Variants in PTPRN2 observed in about 807,000 individuals in gnomAD.
PTPRN2 encodes the protein receptor-type tyrosine-protein phosphatase N2.
PTPRN2 carries 74 observed loss-of-function variants against 118.8 expected under a neutral mutation model. That is an observed-to-expected ratio of 0.62 (90% CI 0.52 to 0.76). PTPRN2 has a LOEUF of 0.76. PTPRN2 is among the 30% of genes least tolerant of loss of function. The probability of loss-of-function intolerance (pLI) is 0.00; values close to 1 mark genes in which losing one functional copy is unlikely to be tolerated. For synonymous variants in PTPRN2, 641 were observed against 608.0 expected, an observed-to-expected ratio of 1.05 and a Z score of -0.80; for missense variants, 1,481 against 1,394.4, an observed-to-expected ratio of 1.06 and a Z score of -0.99.
In PTPRN2 at chr7:157,851,295, T is replaced by C. The variant is rs117099228; in HGVS notation, c.1788+47378A>G. Reference sequence around the variant, plus strand: ...TAATAACAAGAATATCAGCAGAGAATCTAAATTATCCCTTAACTTCTCAAA... The same window carrying C: ...TAATAACAAGAATATCAGCAGAGAACCTAAATTATCCCTTAACTTCTCAAA... On this transcript the variant is annotated intron_variant, in intron 12 of 22. Transcript: ENST00000389418. 3.7e-4 allele frequency among the ~76,000 whole-genome samples: 56 copies of C among 152,320 alleles called. 4 individuals are homozygous for C. The East Asian group carries it at 0.011, about 29-fold the overall frequency.
chr7:157,972,078 C>T (rs113827705), intron 11 of PTPRN2, among the ~76,000 whole-genome samples: 2 of 152,324 alleles, frequency 1.3e-5, no homozygotes, highest in African/African-American at 2.4e-5. Context: ...CTGCCTCATT[C>T]AGCAGCAGAA....
chr7:158,229,964 C>T (rs1318717309), intron 3 of PTPRN2, among the ~76,000 whole-genome samples: 1 of 152,112 alleles, frequency 6.6e-6, no homozygotes, highest in African/African-American at 2.4e-5. Context: ...TCTCAAAAGT[C>T]AAGGACAAAG....
chr7:158,581,187 G>A (rs1828607118), intron 1 of PTPRN2, among the ~76,000 whole-genome samples: 1 of 152,204 alleles, frequency 6.6e-6, no homozygotes, highest in African/African-American at 2.4e-5. Flanking sequence ...GGAGAGAAAG[G>A]AGGCTCCAGA....
intron 11 of PTPRN2, among the ~76,000 whole-genome samples, chr7:157,958,548 A>G (rs1052673445): frequency 1.3e-5 from 2 of 152,242 alleles, no homozygotes; most frequent in Admixed American, 1.3e-4. Flanking sequence ...GAATTTATTA[A>G]CAAATTTAGT....
chr7:157,820,141 A>AC (rs992370418), intron 12 of PTPRN2, among the ~76,000 whole-genome samples: 9 of 151,422 alleles, frequency 5.9e-5, no homozygotes, highest in African/African-American at 1.9e-4. Flanking sequence ...CACACAGCAG[A>AC]CCCCCACACA....
At chr7:157,913,575 T>C (rs1455170579) in intron 11 of PTPRN2, among the ~76,000 whole-genome samples, 2 of 152,250 alleles carry the variant, frequency 1.3e-5, no homozygotes, top group East Asian at 1.9e-4. Flanking sequence ...TAGTCTTACT[T>C]TATTCAACAT....
chr7:158,057,340 G>C (rs77439951), intron 11 of PTPRN2, among the ~76,000 whole-genome samples: 1 of 152,154 alleles, frequency 6.6e-6, no homozygotes, highest in African/African-American at 2.4e-5. Flanking sequence ...TGCTAGAATC[G>C]TCAAACTTGG....
intron 2 of PTPRN2, among the ~76,000 whole-genome samples, chr7:158,388,515 G>A (rs956805178): frequency 4.6e-5 from 7 of 152,214 alleles, no homozygotes; most frequent in African/African-American, 7.2e-5. Flanking sequence ...ACTGAGGGAC[G>A]CACGGGGCAG....
At chr7:158,204,673 C>T (rs1291444817) in intron 4 of PTPRN2, among the ~76,000 whole-genome samples, 2 of 152,102 alleles carry the variant, frequency 1.3e-5, no homozygotes, top group Non-Finnish European at 2.9e-5. Context: ...ATCGGTATGA[C>T]ATTAGTCCAT....
intron 12 of PTPRN2, among the ~76,000 whole-genome samples, chr7:157,873,583 G>A (rs1584925128): frequency 9.8e-6 from 1 of 102,178 alleles, no homozygotes; most frequent in Non-Finnish European, 1.9e-5. Flanking sequence ...TGTCCTCAAG[G>A]TCTGTCTCGT....
chr7:157,696,726 G>T (rs2150850829), intron 12 of PTPRN2, among the ~76,000 whole-genome samples: 1 of 147,714 alleles, frequency 6.8e-6, no homozygotes, highest in South Asian at 2.2e-4. Flanking sequence ...TCTTAGCAGA[G>T]CCCTCACCGT....
intron 2 of PTPRN2, among the ~76,000 whole-genome samples, chr7:158,405,219 G>A (rs953892518): frequency 6.6e-6 from 1 of 152,158 alleles, no homozygotes; most frequent in Non-Finnish European, 1.5e-5. Flanking sequence ...GGGTGCCTGG[G>A]AGATCTCTAG....
chr7:158,359,565 G>A (rs1027298524), intron 2 of PTPRN2, among the ~76,000 whole-genome samples: 6 of 152,018 alleles, frequency 3.9e-5, no homozygotes, highest in African/African-American at 7.3e-5. Context: ...CAGCAACACC[G>A]CGACACTCTA....
intron 1 of PTPRN2, among the ~76,000 whole-genome samples, chr7:158,560,178 C>T (rs145263632): frequency 9.2e-5 from 14 of 152,348 alleles, no homozygotes; most frequent in African/African-American, 3.4e-4. Context: ...ATAAGTCCAC[C>T]GTGTGGATGG....
intron 2 of PTPRN2, among the ~76,000 whole-genome samples, chr7:158,380,182 A>T (rs1300623104): frequency 6.6e-6 from 1 of 152,102 alleles, no homozygotes; most frequent in Non-Finnish European, 1.5e-5. Flanking sequence ...AAAACCAATC[A>T]TATCTTCCCA....
chr7:158,527,791 C>T (rs1449997860), intron 1 of PTPRN2, among the ~76,000 whole-genome samples: 6 of 152,160 alleles, frequency 3.9e-5, no homozygotes, highest in Non-Finnish European at 8.8e-5. Flanking sequence ...GGCTGTCCTC[C>T]GCCAGCTCTC....
chr7:158,173,565 T>C (rs1302145374), intron 5 of PTPRN2, among the ~76,000 whole-genome samples: 2 of 152,180 alleles, frequency 1.3e-5, no homozygotes, highest in African/African-American at 4.8e-5. Context: ...ATTGTCTTGA[T>C]AAACATCTTA....
At chr7:157,758,586 G>A (rs764382894) in intron 12 of PTPRN2, among the ~76,000 whole-genome samples, 20 of 152,356 alleles carry the variant, frequency 1.3e-4, no homozygotes, top group South Asian at 2.1e-4. Flanking sequence ...CTGCGTGCGC[G>A]GGGCATCCTC....
intron 9 of PTPRN2, among the ~76,000 whole-genome samples, chr7:158,132,466 C>A (rs1042061076): frequency 5.0e-5 from 1 of 20,072 alleles, no homozygotes; most frequent in Non-Finnish European, 8.1e-5. Flanking sequence ...CGACACAACA[C>A]ACACTCGTAT....
Sources: gnomAD v4.1 joint callset for allele counts (sites outside exome capture counted in the v4.1 genomes callset) on GRCh38, gnomAD v4.1.1 for gene constraint, MANE v1.5 for transcripts, NCBI Gene and HGNC (gene_info 2026-07-23, HGNC 2026-07-21) for gene names.